The following PCDH11X variants were observed in gnomAD, a reference collection of about 807,000 sequenced individuals.
The protein encoded by PCDH11X is protocadherin-11 X-linked.
PCDH11X carries 18 observed loss-of-function variants against 53.3 expected under a neutral mutation model. That is an observed-to-expected ratio of 0.34 (90% confidence interval 0.23 to 0.50). PCDH11X has a LOEUF of 0.50. Ranked by LOEUF, PCDH11X falls within the 20% of genes least tolerant of loss-of-function variation. PCDH11X has a pLI of 0.98. For missense variants in PCDH11X, 570 were observed against 1,032.4 expected, an observed-to-expected ratio of 0.55 and a Z score of 6.14; for synonymous variants, 279 against 393.3, an observed-to-expected ratio of 0.71 and a Z score of 3.44.
intron 7 of PCDH11X, among the ~76,000 whole-genome samples, chrX:92,239,366 A>T (rs1401174799): frequency 9.0e-6 from 1 of 111,697 alleles, no homozygotes; most frequent in Non-Finnish European, 1.9e-5. Flanking sequence ...TCCTATTAAG[A>T]TGCCAAATTT....
In PCDH11X at chrX:92,244,413, A is replaced by G. The variant is rs1163250751; in HGVS notation, c.3115-18701A>G. Among the ~76,000 whole-genome samples, 3 of 109,513 alleles carry G rather than the reference A, an allele frequency of 2.7e-5. No individual in the cohort carries two copies. In the East Asian group the frequency reaches 8.5e-4, roughly 31 times the overall value. ...ACTCACAGTCTTTTACTGTCATTCA[A>G]AGCACTTTTATACATATCAGCAATT... is the stretch of plus-strand genomic sequence containing the variant. On this transcript the variant is annotated intron_variant, in intron 7 of 10. Coordinates refer to ENST00000682573, the MANE Select transcript of PCDH11X (RefSeq NM_032968.5).
At chrX:92,239,568 A>G (rs2148382417) in intron 7 of PCDH11X, among the ~76,000 whole-genome samples, 1 of 111,859 alleles carries the variant, frequency 8.9e-6, no homozygotes, top group East Asian at 2.8e-4. Context: ...ATCTTTATTG[A>G]ATCATGTAAT....
intron 6 of PCDH11X, among the ~76,000 whole-genome samples, chrX:92,043,481 A>C (rs1845227051): frequency 1.1e-5 from 1 of 94,357 alleles, no homozygotes; most frequent in Non-Finnish European, 2.0e-5. Context: ...CATGTTTTAC[A>C]AAATAAATAC....
At chrX:92,359,823 G>T (rs771152197) in intron 8 of PCDH11X, among the ~76,000 whole-genome samples, 4 of 110,625 alleles carry the variant, frequency 3.6e-5, no homozygotes, top group African/African-American at 1.3e-4. Context: ...AGAAGCATTT[G>T]ATGCTTCTGT....
At chrX:92,364,413 G>A (rs73245247) in intron 8 of PCDH11X, among the ~76,000 whole-genome samples, 28,049 of 110,251 alleles carry the variant, frequency 0.25, 2,932 homozygotes, top group Non-Finnish European at 0.33. Context: ...AAAAGGTAGC[G>A]TAAAAATAGT....
Position 91,845,641 on chromosome X carries a change from T to C in PCDH11X, c.540+9597T>C, listed in dbSNP as rs1449925521. On this transcript the variant is annotated intron_variant, in intron 5 of 10. Coordinates refer to ENST00000682573, the MANE Select transcript of PCDH11X (RefSeq NM_032968.5). ...AATTGGAAAGTCATTGGCTGGCTTC[T>C]GTATAGGCTATTTATAGCCCATTTA... 1.4e-4 allele frequency among the ~76,000 whole-genome samples: 16 copies of C among 111,885 alleles called. No homozygotes were observed. In the East Asian group the frequency reaches 4.2e-3, roughly 30 times the overall value.
intron 7 of PCDH11X, among the ~76,000 whole-genome samples, chrX:92,216,865 T>C (rs1250511774): frequency 3.8e-5 from 4 of 105,574 alleles, no homozygotes; most frequent in Non-Finnish European, 7.8e-5. Flanking sequence ...CGGCAGAAAC[T>C]CTACAAGCCA....
chrX:92,293,648 C>T, intron 8 of PCDH11X, among the ~76,000 whole-genome samples: 1 of 107,705 alleles, frequency 9.3e-6, no homozygotes, highest in South Asian at 4.1e-4. Flanking sequence ...AGAACTAAAG[C>T]TGTGAACATG....
chrX:91,948,242 A>C (rs2061599203), intron 6 of PCDH11X, among the ~76,000 whole-genome samples: 1 of 110,254 alleles, frequency 9.1e-6, no homozygotes, highest in African/African-American at 3.3e-5. Flanking sequence ...TAAAAAAAGA[A>C]ATGCTATTTA....
chrX:91,992,131 T>C (rs1212548430), intron 6 of PCDH11X, among the ~76,000 whole-genome samples: 1 of 105,757 alleles, frequency 9.5e-6, no homozygotes, highest in Non-Finnish European at 1.9e-5. Context: ...AATCTTATAG[T>C]AACTTATGTG....
chrX:92,514,550 T>C (rs6615415), intron 10 of PCDH11X, among the ~76,000 whole-genome samples: 19,054 of 103,730 alleles, frequency 0.18, 1,685 homozygotes, highest in East Asian at 0.47. Context: ...GCCAACATGG[T>C]GAATCCCCAT....
chrX:92,139,549 A>T (rs1342757386), intron 6 of PCDH11X, among the ~76,000 whole-genome samples: 2 of 109,471 alleles, frequency 1.8e-5, no homozygotes, highest in African/African-American at 3.3e-5. Flanking sequence ...GGCATGAGCC[A>T]CCCCTCTAGG....
At chrX:92,157,052 G>A (rs1464071746) in intron 6 of PCDH11X, among the ~76,000 whole-genome samples, 5 of 111,729 alleles carry the variant, frequency 4.5e-5, no homozygotes, top group East Asian at 5.7e-4. Flanking sequence ...CAATGGTTGC[G>A]GTCTGTTCTA....
At chrX:92,338,697 C>A (rs866954310) in intron 8 of PCDH11X, among the ~76,000 whole-genome samples, 1 of 111,372 alleles carries the variant, frequency 9.0e-6, no homozygotes, top group African/African-American at 3.3e-5. Context: ...TTGTAAATAA[C>A]CAATAGGCAA....
chrX:91,925,140 C>T lies in PCDH11X; in HGVS notation c.3033+45867C>T, dbSNP rs976905391. Among the ~76,000 whole-genome samples, 6 of 110,358 alleles carry T rather than the reference C, an allele frequency of 5.4e-5. No individual in the cohort carries two copies. In the East Asian group the frequency reaches 1.4e-3, roughly 26 times the overall value. The stretch of plus-strand genomic sequence containing the variant: ...CCCACAGTAAATTAAAAATATTGTA[C>T]ATAAAAAATGGACTTAATACATCTC... On this transcript the variant is annotated intron_variant, in intron 6 of 10. Transcript: ENST00000682573.
intron 5 of PCDH11X, among the ~76,000 whole-genome samples, chrX:91,844,204 A>G (rs1163186740): frequency 9.0e-6 from 1 of 111,379 alleles, no homozygotes; most frequent in Non-Finnish European, 1.9e-5. Context: ...AGTTTTCCAT[A>G]CATGTTTTAT....
chrX:92,193,407 C>A (rs1391293730), intron 6 of PCDH11X, among the ~76,000 whole-genome samples: 6 of 110,855 alleles, frequency 5.4e-5, no homozygotes, highest in African/African-American at 2.0e-4. Context: ...TGCCAATAAC[C>A]TAAACTATCT....
At chrX:92,287,717 A>C (rs1256762819) in intron 8 of PCDH11X, among the ~76,000 whole-genome samples, 2 of 111,910 alleles carry the variant, frequency 1.8e-5, no homozygotes, top group Non-Finnish European at 3.8e-5. Context: ...GCACGCTAAT[A>C]AATTGATAGC....
rs887943577 is a variant in PCDH11X at position 92,612,138 on chromosome X, A to AT, written c.3368-6117dup. ...TTAGAGAGGAGTCCCTACTACTAGA[A>AT]TTTTTTTTTAAATAGTTTCAGTAGC... On this transcript the variant is annotated intron_variant, in intron 10 of 10. Transcript: ENST00000682573. Among the ~76,000 whole-genome samples the AT allele has an allele frequency of 6.4e-5, 7 of 109,917 alleles. No homozygotes were observed. In the East Asian group the frequency reaches 1.7e-3, roughly 27 times the overall value.
Sources: gnomAD v4.1 joint callset for allele counts (sites outside exome capture counted in the v4.1 genomes callset) on GRCh38, gnomAD v4.1.1 for gene constraint, MANE v1.5 for transcripts, NCBI Gene and HGNC (gene_info 2026-07-23, HGNC 2026-07-21) for gene names.